Variants in FTCDNL1 observed in about 807,000 individuals in gnomAD.
FTCDNL1 encodes the protein formiminotransferase N-terminal subdomain-containing protein.
FTCDNL1 carries 11 observed loss-of-function variants against 5.9 expected under a neutral mutation model. The ratio of observed to expected loss-of-function variants is 1.87; its 90% confidence interval spans 1.18 to 3.10. FTCDNL1 has a LOEUF of 3.10. FTCDNL1 is among the 30% of genes most tolerant of loss of function. FTCDNL1 has a pLI of 0.00. For missense variants in FTCDNL1, 115 were observed against 65.5 expected (o/e 1.76, Z -2.61); for synonymous variants, 58 against 24.8 (o/e 2.34, Z -3.99).
At chr2:199,738,178 A>G in the FTCDNL1 span, among the ~76,000 whole-genome samples, 167 of 152,346 alleles carry the variant, frequency 1.1e-3, 1 homozygote, top group Non-Finnish European at 1.5e-3. Context: ...ACACTGAAAG[A>G]AAGATTTGGG....
At chr2:199,754,103 G>A in the FTCDNL1 span, among the ~76,000 whole-genome samples, 4 of 152,172 alleles carry the variant, frequency 2.6e-5, no homozygotes, top group Non-Finnish European at 5.9e-5. Flanking sequence ...GAGAGAGAAC[G>A]CAGCAGAGAC....
At chr2:199,843,736 C>T (rs2076652408) in intron 3 of FTCDNL1, among the ~76,000 whole-genome samples, 1 of 152,064 alleles carries the variant, frequency 6.6e-6, no homozygotes, top group African/African-American at 2.4e-5. Flanking sequence ...CTTTTTTTCC[C>T]CGAAGATTAT....
chr2:199,831,368 T>C (rs748282228), intron 3 of FTCDNL1, among the ~76,000 whole-genome samples: 6 of 152,170 alleles, frequency 3.9e-5, no homozygotes, highest in African/African-American at 9.7e-5. Context: ...AGAGGGACTA[T>C]TCAAGAATGT....
chr2:199,829,467 G>A (rs1440189959), intron 3 of FTCDNL1, among the ~76,000 whole-genome samples: 2 of 152,076 alleles, frequency 1.3e-5, no homozygotes, highest in Admixed American at 6.6e-5. Flanking sequence ...CAGGAGAATC[G>A]ATGCAATTAG....
the FTCDNL1 span, among the ~76,000 whole-genome samples, chr2:199,676,183 T>G: frequency 6.6e-6 from 1 of 152,202 alleles, no homozygotes; most frequent in Non-Finnish European, 1.5e-5. Flanking sequence ...AATCATGGGT[T>G]CTGCTACTAA....
At chr2:199,717,303 G>C in the FTCDNL1 span, among the ~76,000 whole-genome samples, 1 of 151,868 alleles carries the variant, frequency 6.6e-6, no homozygotes, top group African/African-American at 2.4e-5. Flanking sequence ...TCAACACAAG[G>C]GTGTCTTTTT....
At chr2:199,746,191 C>A in the FTCDNL1 span, among the ~76,000 whole-genome samples, 2 of 152,100 alleles carry the variant, frequency 1.3e-5, no homozygotes, top group East Asian at 3.8e-4. Flanking sequence ...GTTAATCATC[C>A]CTTTGCATCT....
chr2:199,693,206 A>G, the FTCDNL1 span, among the ~76,000 whole-genome samples: 2 of 152,346 alleles, frequency 1.3e-5, no homozygotes, highest in South Asian at 4.1e-4. Flanking sequence ...TGAAATGACA[A>G]AGTAGCTTGC....
the FTCDNL1 span, among the ~76,000 whole-genome samples, chr2:199,681,820 G>A: frequency 4.6e-5 from 7 of 151,994 alleles, no homozygotes; most frequent in Non-Finnish European, 1.0e-4. Context: ...TAATCATGTA[G>A]CGTCGTCATT....
At chr2:199,784,929 C>A (rs185547844) in intron 3 of FTCDNL1, among the ~76,000 whole-genome samples, 1 of 152,306 alleles carries the variant, frequency 6.6e-6, no homozygotes, top group Admixed American at 6.5e-5. Flanking sequence ...ACTTAAAACA[C>A]ACAGAACACA....
chr2:199,671,261 G>T, the FTCDNL1 span, among the ~76,000 whole-genome samples: 1 of 152,014 alleles, frequency 6.6e-6, no homozygotes, highest in Non-Finnish European at 1.5e-5. Flanking sequence ...AAAGGGTCTT[G>T]TAGAGGCCTA....
chr2:199,837,765 G>A (rs932433087), intron 3 of FTCDNL1, among the ~76,000 whole-genome samples: 10 of 152,056 alleles, frequency 6.6e-5, no homozygotes, highest in Non-Finnish European at 1.0e-4. Flanking sequence ...AATCATGCCA[G>A]CACTATTTCT....
the FTCDNL1 span, among the ~76,000 whole-genome samples, chr2:199,692,226 A>C: frequency 1.3e-5 from 2 of 152,170 alleles, no homozygotes; most frequent in African/African-American, 4.8e-5. Context: ...CACTCAATAG[A>C]AACAAAAATC....
chr2:199,760,950 C>A lies in FTCDNL1; in HGVS notation c.212-115G>T, dbSNP rs1698242576. ...TGCTTCACTGTCTGGCTGACAGTAG[C>A]TACCTGGCAGCTGTCTTCCAAGGCT... On this transcript the variant is annotated intron_variant, in intron 3 of 3. Coordinates refer to the FTCDNL1 transcript ENST00000416668. The A allele has an allele frequency of 8.7e-6, 6 of 686,158 alleles. No individual in the cohort carries two copies. The South Asian group carries it at 9.1e-5, about 10-fold the overall frequency. 42.5% of individuals were successfully genotyped at this position (686,158 alleles called of 1,614,324 possible). A position where few individuals can be genotyped will look rare whatever the true frequency, so the allele number is the denominator to read the frequency against.
At chr2:199,846,817 C>A (rs947793268) in intron 2 of FTCDNL1, among the ~76,000 whole-genome samples, 2 of 152,256 alleles carry the variant, frequency 1.3e-5, no homozygotes, top group African/African-American at 2.4e-5. Flanking sequence ...CCATACATAA[C>A]CCTAGAGTTA....
the FTCDNL1 span, among the ~76,000 whole-genome samples, chr2:199,694,614 C>T: frequency 9.2e-5 from 14 of 152,096 alleles, no homozygotes; most frequent in Non-Finnish European, 1.8e-4. Context: ...CTGCATGAGT[C>T]CAGGAGTCTG....
chr2:199,716,773 AG>A, the FTCDNL1 span, among the ~76,000 whole-genome samples: 12 of 152,320 alleles, frequency 7.9e-5, no homozygotes, highest in South Asian at 2.3e-3. Context: ...CTAAAATAAC[AG>A]GCTGAAAGGA....
intron 3 of FTCDNL1, among the ~76,000 whole-genome samples, chr2:199,778,084 C>G (rs1332516557): frequency 6.6e-6 from 1 of 152,174 alleles, no homozygotes; most frequent in Non-Finnish European, 1.5e-5. Flanking sequence ...TGGTCCAAAA[C>G]ATTCAATCTG....
At chr2:199,758,046 G>A (rs75146012), downstream of FTCDNL1, among the ~76,000 whole-genome samples, 944 of 152,192 alleles carry the variant, frequency 6.2e-3, 7 homozygotes, top group African/African-American at 0.02. Flanking sequence ...CTCACAATTC[G>A]CTGATCACTA....
Sources: gnomAD v4.1 joint callset for allele counts (sites outside exome capture counted in the v4.1 genomes callset) on GRCh38, gnomAD v4.1.1 for gene constraint, MANE v1.5 for transcripts, NCBI Gene and HGNC (gene_info 2026-07-23, HGNC 2026-07-21) for gene names.